The following MYO1H variants were observed in gnomAD, a reference collection of about 807,000 sequenced individuals.
MYO1H encodes the protein unconventional myosin-Ih.
MYO1H carries 118 observed loss-of-function variants against 149.3 expected under a neutral mutation model. The ratio of observed to expected loss-of-function variants is 0.79; its 90% CI spans 0.68 to 0.92. The LOEUF (loss-of-function observed/expected upper bound fraction) is 0.92. MYO1H is among the 40% of genes least tolerant of loss of function. The pLI, the probability that MYO1H is intolerant of heterozygous loss-of-function variation, is 0.00. For synonymous variants in MYO1H, 447 were observed against 465.2 expected, an observed-to-expected ratio of 0.96 and a Z score of 0.50; for missense variants, 1,212 against 1,280.7, an observed-to-expected ratio of 0.95 and a Z score of 0.82.
At chr12:109,410,152 ATTTTT>A (rs561232505) in intron 12 of MYO1H, 84 bp downstream of exon 12, 1 of 679,228 alleles carries the variant, frequency 1.5e-6, no homozygotes, top group Non-Finnish European at 2.2e-6. Flanking sequence ...TTTTTTTTTT[ATTTTT>A]TTGAGACAAG....
intron 5 of MYO1H, among the ~76,000 whole-genome samples, chr12:109,399,399 C>A (rs1331448478): frequency 6.6e-6 from 1 of 151,574 alleles, no homozygotes; most frequent in Non-Finnish European, 1.5e-5. Flanking sequence ...CGAGACCAGC[C>A]TGGCCAACAT....
chr12:109,403,167 G>T (rs924069391), intron 6 of MYO1H, among the ~76,000 whole-genome samples: 1 of 152,190 alleles, frequency 6.6e-6, no homozygotes, highest in African/African-American at 2.4e-5. Context: ...GTGCGGGAAG[G>T]TTTGTGAGGC....
the MYO1H span, among the ~76,000 whole-genome samples, chr12:109,320,872 G>C: frequency 2.6e-4 from 40 of 151,978 alleles, no homozygotes; most frequent in African/African-American, 9.4e-4. Flanking sequence ...GGTGGATCAC[G>C]AGGTCAAGAG....
chr12:109,392,046 A>G (rs1235192320), intron 2 of MYO1H, among the ~76,000 whole-genome samples: 2 of 152,228 alleles, frequency 1.3e-5, no homozygotes, highest in Non-Finnish European at 1.5e-5. Context: ...TTTGCTGTGC[A>G]GAAGCTCTTT....
chr12:109,322,175 G>A, the MYO1H span, among the ~76,000 whole-genome samples: 7 of 152,234 alleles, frequency 4.6e-5, no homozygotes, highest in African/African-American at 1.7e-4. Context: ...AATTGGATCT[G>A]TCTTCTTTAT....
intron 31 of MYO1H, chr12:109,445,917 AC>A (rs549243992): frequency 1.4e-5 from 14 of 985,364 alleles, no homozygotes; most frequent in Non-Finnish European, 1.6e-5. Context: ...CACGCTTATT[AC>A]AGTTATCCAT....
At chr12:109,409,450 G>A (rs1212832256) in intron 10 of MYO1H, 107 bp from the exon 11 acceptor site, 3 of 924,430 alleles carry the variant, frequency 3.2e-6, no homozygotes, top group Admixed American at 3.5e-5. Flanking sequence ...TGGAGACAGA[G>A]GACATATGAG....
chr12:109,315,821 G>A, the MYO1H span, among the ~76,000 whole-genome samples: 3 of 152,138 alleles, frequency 2.0e-5, no homozygotes, highest in African/African-American at 7.2e-5. Context: ...AATATCTTCT[G>A]TGTCTGTGTT....
intron 15 of MYO1H, among the ~76,000 whole-genome samples, chr12:109,417,800 G>T (rs1266461447): frequency 1.4e-5 from 2 of 147,768 alleles, no homozygotes; most frequent in African/African-American, 5.2e-5. Context: ...TTTTAAGATT[G>T]GGTTTTTTTG....
intron 27 of MYO1H, among the ~76,000 whole-genome samples, chr12:109,442,800 T>TGCC (rs1370347347): frequency 4.4e-5 from 5 of 114,846 alleles, no homozygotes; most frequent in Non-Finnish European, 7.0e-5. Flanking sequence ...CTGCTCTTTT[T>TGCC]TTTTTTTTTT....
exon 12 of MYO1H, chr12:109,410,032 A>C (rs774335585): frequency 1.9e-6 from 3 of 1,542,698 alleles, no homozygotes; most frequent in Non-Finnish European, 2.6e-6. Context: ...GGACTCTAAA[A>C]GCAGAACAGG....
At chr12:109,327,589 C>T in the MYO1H span, among the ~76,000 whole-genome samples, 42 of 151,482 alleles carry the variant, frequency 2.8e-4, no homozygotes, top group South Asian at 2.7e-3. Context: ...CTACTAAAAA[C>T]ATAAAAATTA....
intron 4 of MYO1H, 38 bp from the exon 5 acceptor site, chr12:109,397,694 G>A (rs1339921767): frequency 1.3e-6 from 2 of 1,548,092 alleles, no homozygotes. Flanking sequence ...TACGCATGGT[G>A]AGCTTAAATG....
At chr12:109,428,027 G>A (rs1375348039) in intron 19 of MYO1H, among the ~76,000 whole-genome samples, 2 of 143,130 alleles carry the variant, frequency 1.4e-5, no homozygotes, top group African/African-American at 2.6e-5. Context: ...TTGAGGCTGC[G>A]GTGAACTTGA....
upstream of MYO1H, among the ~76,000 whole-genome samples, chr12:109,346,453 T>C (rs1321585143): frequency 2.0e-5 from 3 of 152,198 alleles, no homozygotes; most frequent in Non-Finnish European, 2.9e-5. Flanking sequence ...ATTTCAGATA[T>C]GCAAAAATGT....
At chr12:109,444,609 A>G (rs1275977639) in intron 30 of MYO1H, 80 bp downstream of exon 30, 3 of 1,100,510 alleles carry the variant, frequency 2.7e-6, no homozygotes, top group Non-Finnish European at 4.1e-6. Flanking sequence ...GCTCATGCCT[A>G]TAATCCCAGC....
the MYO1H span, among the ~76,000 whole-genome samples, chr12:109,312,716 G>T: frequency 3.9e-5 from 6 of 151,922 alleles, no homozygotes; most frequent in Admixed American, 2.6e-4. Context: ...CGCTGGCTTG[G>T]TCTAGTGAAC....
At chr12:109,424,515 T>C (rs1041826854) in intron 16 of MYO1H, among the ~76,000 whole-genome samples, 1 of 152,172 alleles carries the variant, frequency 6.6e-6, no homozygotes, top group Non-Finnish European at 1.5e-5. Context: ...CCAGGGACAA[T>C]GTCGGAGAAA....
chr12:109,387,153 A>G (rs1314292956), intron 1 of MYO1H, among the ~76,000 whole-genome samples: 3 of 151,330 alleles, frequency 2.0e-5, no homozygotes, highest in Non-Finnish European at 4.4e-5. Context: ...CTGGTCTCCA[A>G]CTCCTGGCTT....
Sources: gnomAD v4.1 joint callset for allele counts (sites outside exome capture counted in the v4.1 genomes callset) on GRCh38, gnomAD v4.1.1 for gene constraint, MANE v1.5 for transcripts, NCBI Gene and HGNC (gene_info 2026-07-23, HGNC 2026-07-21) for gene names.